NEXMIF: variants seen among roughly 807,000 people sequenced by gnomAD.
The protein encoded by NEXMIF is neurite extension and migration factor, also known as XLMR protein related to neurite extension.
Under a neutral mutation model 62.1 loss-of-function variants are expected in NEXMIF, and 8 were observed. That is an observed-to-expected ratio of 0.13 (90% CI 0.08 to 0.23). NEXMIF has a LOEUF of 0.23. Among genes scored for constraint, NEXMIF ranks in the 10% least tolerant of loss-of-function variants. The pLI, the probability that NEXMIF is intolerant of heterozygous loss-of-function variation, is 1.00. For synonymous variants in NEXMIF, 404 were observed against 416.6 expected, an observed-to-expected ratio of 0.97 and a Z score of 0.37; for missense variants, 976 against 1,113.3, an observed-to-expected ratio of 0.88 and a Z score of 1.75.
chrX:74,885,077 A>C (rs1380368362), intron 1 of NEXMIF, among the ~76,000 whole-genome samples: 3 of 110,574 alleles, frequency 2.7e-5, no homozygotes, highest in African/African-American at 9.9e-5. Context: ...AGGCAGAAAT[A>C]AAGATGTTCT....
intron 1 of NEXMIF, among the ~76,000 whole-genome samples, chrX:74,888,598 G>T (rs2080706272): frequency 9.0e-6 from 1 of 110,671 alleles, no homozygotes; most frequent in African/African-American, 3.3e-5. Context: ...TGTAGATGAC[G>T]AGTTGATGGG....
At chrX:74,821,026 T>C (rs1019030633) in intron 1 of NEXMIF, among the ~76,000 whole-genome samples, 3 of 110,924 alleles carry the variant, frequency 2.7e-5, no homozygotes, top group Non-Finnish European at 5.7e-5. Flanking sequence ...AAAATAAAAC[T>C]TTGAAGGAAA....
chrX:74,818,898 A>T (rs1228713131), intron 1 of NEXMIF, among the ~76,000 whole-genome samples: 2 of 111,891 alleles, frequency 1.8e-5, no homozygotes, highest in Non-Finnish European at 3.8e-5. Context: ...CAAAACCACA[A>T]TGAGATACCC....
chrX:74,845,065 A>G (rs1286719659), intron 1 of NEXMIF, among the ~76,000 whole-genome samples: 2 of 112,300 alleles, frequency 1.8e-5, no homozygotes, highest in African/African-American at 6.5e-5. Flanking sequence ...GATTATGTAC[A>G]TATATCACTT....
chrX:74,858,961 C>T (rs747362106), intron 1 of NEXMIF, among the ~76,000 whole-genome samples: 1 of 109,300 alleles, frequency 9.1e-6, no homozygotes, highest in Non-Finnish European at 1.9e-5. Context: ...TGAAAATACA[C>T]AGTAAGAGTA....
chrX:74,911,336 C>G (rs914282281), intron 1 of NEXMIF, among the ~76,000 whole-genome samples: 15 of 111,570 alleles, frequency 1.3e-4, no homozygotes, highest in Non-Finnish European at 2.6e-4. Flanking sequence ...AGGAGAATCA[C>G]TTGAACCCGG....
chrX:74,784,364 T>C (rs1349066599), intron 1 of NEXMIF, among the ~76,000 whole-genome samples: 5 of 111,368 alleles, frequency 4.5e-5, no homozygotes. Context: ...GAAAGTACAA[T>C]GTGAAACTGA....
intron 1 of NEXMIF, among the ~76,000 whole-genome samples, chrX:74,850,820 G>A (rs2080510555): frequency 9.1e-6 from 1 of 109,756 alleles, no homozygotes; most frequent in South Asian, 3.9e-4. Context: ...AAAAAGCAAG[G>A]AAATATGACA....
At chrX:74,790,474 C>A (rs1420960313) in intron 1 of NEXMIF, among the ~76,000 whole-genome samples, 1 of 110,717 alleles carries the variant, frequency 9.0e-6, no homozygotes, top group Non-Finnish European at 1.9e-5. Context: ...TTTTTGGTTC[C>A]ATATGAACTT....
chrX:74,747,407 GT>G (rs1352904369), intron 1 of NEXMIF, among the ~76,000 whole-genome samples: 2 of 110,659 alleles, frequency 1.8e-5, no homozygotes, highest in Admixed American at 9.7e-5. Flanking sequence ...GAGACTAGGT[GT>G]TTTTTCTTAA....
Position 74,875,892 on chromosome X carries a change from C to A in NEXMIF, c.-48+48991G>T, listed in dbSNP as rs767941468. On this transcript the variant is annotated intron_variant, in intron 1 of 3. Coordinates refer to ENST00000055682, the MANE Select transcript of NEXMIF (RefSeq NM_001008537.3). Reference sequence around the variant, plus strand: ...TATTTGATTCTTCTCTCTTTTTTTCCTTATTAGTCTTGCTAGTGGTCTATC... The same window carrying A: ...TATTTGATTCTTCTCTCTTTTTTTCATTATTAGTCTTGCTAGTGGTCTATC... 4.5e-5 allele frequency among the ~76,000 whole-genome samples: 5 copies of A among 110,073 alleles called. No homozygotes were observed. The East Asian group carries it at 1.4e-3, about 31-fold the overall frequency.
intron 1 of NEXMIF, among the ~76,000 whole-genome samples, chrX:74,778,878 C>T (rs757408903): frequency 8.9e-6 from 1 of 111,879 alleles, no homozygotes; most frequent in Non-Finnish European, 1.9e-5. Flanking sequence ...CCGCCCACCT[C>T]AGCCTCCCAA....
At chrX:74,921,527 T>G (rs2080827069) in intron 1 of NEXMIF, among the ~76,000 whole-genome samples, 1 of 111,962 alleles carries the variant, frequency 8.9e-6, no homozygotes, top group Admixed American at 9.5e-5. Flanking sequence ...TTTTTGTTTT[T>G]GTTTTTCTAA....
intron 1 of NEXMIF, among the ~76,000 whole-genome samples, chrX:74,877,883 T>G (rs1163452848): frequency 3.6e-5 from 4 of 111,730 alleles, no homozygotes; most frequent in African/African-American, 1.3e-4. Flanking sequence ...ATTCTAATTA[T>G]ACATTCTTCT....
At position 74,865,455 on chromosome X, in the gene NEXMIF, G is replaced by A. The variant is rs924191993; in HGVS notation, c.-48+59428C>T. Among the ~76,000 whole-genome samples, 3 of 112,214 alleles carry A rather than the reference G, an allele frequency of 2.7e-5. No individual in the cohort carries two copies. In the East Asian group the frequency reaches 8.4e-4, roughly 32 times the overall value. ...TGCAAAGCATTCAAAAGGAAGAAGA[G>A]CATAAAAGTTTGAAAAACTTGCAGC... On this transcript the variant is annotated intron_variant, in intron 1 of 3. Coordinates refer to ENST00000055682, the MANE Select transcript of NEXMIF (RefSeq NM_001008537.3).
chrX:74,792,480 G>A (rs1460184050), intron 1 of NEXMIF, among the ~76,000 whole-genome samples: 1 of 107,064 alleles, frequency 9.3e-6, no homozygotes, highest in Non-Finnish European at 1.9e-5. Context: ...TTCTGTAGAT[G>A]TCTATTAGGT....
intron 1 of NEXMIF, among the ~76,000 whole-genome samples, chrX:74,880,959 T>TC (rs1314075825): frequency 1.8e-5 from 2 of 110,993 alleles, no homozygotes; most frequent in Non-Finnish European, 3.8e-5. Context: ...ATGAACACTG[T>TC]CCCTCATCCT....
At chrX:74,870,558 C>G (rs1370152088) in intron 1 of NEXMIF, among the ~76,000 whole-genome samples, 1 of 111,354 alleles carries the variant, frequency 9.0e-6, no homozygotes, top group African/African-American at 3.3e-5. Context: ...AAAATATTTG[C>G]AAAATACCCA....
intron 1 of NEXMIF, among the ~76,000 whole-genome samples, chrX:74,819,221 C>T (rs1373074759): frequency 1.8e-5 from 2 of 111,717 alleles, no homozygotes; most frequent in African/African-American, 6.5e-5. Flanking sequence ...GACCAAAAAC[C>T]ATAAAAACCC....
Sources: allele counts gnomAD v4.1 joint callset (sites outside exome capture counted in the v4.1 genomes callset), GRCh38; gene constraint gnomAD v4.1.1; transcripts MANE v1.5; gene names NCBI Gene and HGNC (gene_info 2026-07-23, HGNC 2026-07-21).